ZNF385D: variants seen among roughly 807,000 people sequenced by gnomAD.
ZNF385D encodes the protein zinc finger protein 659.
In ZNF385D, 15 loss-of-function variants were observed where a neutral mutation model predicts 35.8. The ratio of observed to expected loss-of-function variants is 0.42; its 90% CI spans 0.28 to 0.64. The LOEUF (loss-of-function observed/expected upper bound fraction) is 0.64, where lower values mean the gene tolerates loss of function less well. Ranked by LOEUF, ZNF385D falls within the 30% of genes least tolerant of loss-of-function variation. The pLI is 0.23. For missense variants in ZNF385D, 474 were observed against 494.6 expected, an observed-to-expected ratio of 0.96 and a Z score of 0.39; for synonymous variants, 212 against 186.8, an observed-to-expected ratio of 1.13 and a Z score of -1.10.
At chr3:21,778,561 C>G (rs746874847) in intron 3 of ZNF385D, among the ~76,000 whole-genome samples, 6 of 151,648 alleles carry the variant, frequency 4.0e-5, no homozygotes, top group Non-Finnish European at 7.4e-5. Flanking sequence ...GCATGGTTCG[C>G]GAAAAACAAA....
intron 3 of ZNF385D, among the ~76,000 whole-genome samples, chr3:22,028,863 G>A (rs13086174): frequency 0.13 from 20,004 of 152,076 alleles, 1,692 homozygotes; most frequent in South Asian, 0.29. Context: ...TGTCAACTAG[G>A]GGACTATACT....
chr3:22,130,984 C>T (rs1310999157), intron 3 of ZNF385D, among the ~76,000 whole-genome samples: 1 of 151,504 alleles, frequency 6.6e-6, no homozygotes, highest in African/African-American at 2.4e-5. Flanking sequence ...AAGACAGATC[C>T]AGGCTAAAAA....
Position 21,701,697 on chromosome 3 carries a change from T to C in ZNF385D, c.23-36669A>G, listed in dbSNP as rs1338606640. On this transcript the variant is annotated intron_variant, in intron 1 of 7. Coordinates refer to ENST00000281523, the MANE Select transcript of ZNF385D (RefSeq NM_024697.3). ...GTAAAATCAAAAGCAAGCTAGTTAC[T>C]TCCTAGATACAATAGGGGTACAGGT... 2.6e-5 allele frequency among the ~76,000 whole-genome samples: 4 copies of C among 152,148 alleles called. No individual in the cohort carries two copies. In the East Asian group the frequency reaches 7.7e-4, roughly 29 times the overall value.
chr3:21,784,860 T>C (rs2071624568), intron 3 of ZNF385D, among the ~76,000 whole-genome samples: 1 of 152,134 alleles, frequency 6.6e-6, no homozygotes, highest in South Asian at 2.1e-4. Context: ...TGTTACTGAT[T>C]GTGATTTTTA....
intron 3 of ZNF385D, among the ~76,000 whole-genome samples, chr3:21,941,429 C>T (rs936901358): frequency 4.6e-5 from 7 of 151,340 alleles, no homozygotes; most frequent in Admixed American, 4.0e-4. Flanking sequence ...CAATGATCTA[C>T]CAAGTATAGT....
intron 3 of ZNF385D, among the ~76,000 whole-genome samples, chr3:21,969,564 G>A (rs187506415): frequency 2.2e-4 from 33 of 152,248 alleles, no homozygotes; most frequent in East Asian, 3.9e-4. Flanking sequence ...TAATACCCGC[G>A]GTGCTTGACT....
intron 3 of ZNF385D, among the ~76,000 whole-genome samples, chr3:21,861,403 TAATGTGCTGTACTCTGAAG>T (rs1285255379): frequency 6.6e-6 from 1 of 152,156 alleles, no homozygotes; most frequent in African/African-American, 2.4e-5. Flanking sequence ...TCATCTCACT[TAATGTGCTGTACTCTGAAG>T]ACATTTCTAA....
At chr3:22,179,300 C>T (rs1695054788) in intron 2 of ZNF385D, among the ~76,000 whole-genome samples, 1 of 152,180 alleles carries the variant, frequency 6.6e-6, no homozygotes, top group Non-Finnish European at 1.5e-5. Context: ...AGGTCCTTCA[C>T]ATCCCTTGTA....
Position 21,783,164 on chromosome 3 carries a change from T to G in ZNF385D, c.326-118136A>C, listed in dbSNP as rs2071557336. On this transcript the variant is annotated intron_variant, in intron 3 of 5. Coordinates refer to the ZNF385D transcript ENST00000494108. ...TAAATTCTATTTATGAACTTTCACG[T>G]CTTGGAATTTTCAGATTGTAAATAC... is the stretch of plus-strand genomic sequence containing the variant. 2.6e-5 allele frequency among the ~76,000 whole-genome samples: 4 copies of G among 152,284 alleles called. No homozygotes were observed. The South Asian group carries it at 8.3e-4, about 32-fold the overall frequency.
rs2065761718 is a variant in ZNF385D at position 21,646,695 on chromosome 3, T to A, written c.165+18191A>T. ...AGAAAGAAACAGGCCTGCCTTCACT[T>A]CTCAACCATCAGAGGCCTGTACAGA... On this transcript the variant is annotated intron_variant, in intron 2 of 7. Coordinates refer to ENST00000281523, the MANE Select transcript of ZNF385D (RefSeq NM_024697.3). This position sits in a 1 kb window ranked among gnomAD's most constrained non-coding sequence, Gnocchi z 4.3. Among the ~76,000 whole-genome samples the A allele has an allele frequency of 6.6e-6, 1 of 152,200 alleles. No individual in the cohort carries two copies. The highest frequency in any genetic ancestry group is 2.1e-4 in the South Asian group (1 of 4,826).
chr3:21,687,781 A>C (rs2067154105), intron 1 of ZNF385D, among the ~76,000 whole-genome samples: 2 of 152,332 alleles, frequency 1.3e-5, no homozygotes, highest in South Asian at 4.1e-4. Context: ...AAAAAGAAAA[A>C]ACCGATGATT....
intron 3 of ZNF385D, among the ~76,000 whole-genome samples, chr3:22,100,918 T>G (rs1185479484): frequency 6.6e-6 from 1 of 151,866 alleles, no homozygotes; most frequent in Non-Finnish European, 1.5e-5. Context: ...GCTAGAGATT[T>G]TAGAAATATA....
intron 2 of ZNF385D, among the ~76,000 whole-genome samples, chr3:21,594,364 T>G (rs1425522560): frequency 6.6e-6 from 1 of 152,170 alleles, no homozygotes; most frequent in African/African-American, 2.4e-5. Context: ...AGACAAAGAT[T>G]GCACCGTGCA....
intron 2 of ZNF385D, among the ~76,000 whole-genome samples, chr3:22,283,264 G>A (rs1701859539): frequency 6.6e-6 from 1 of 152,100 alleles, no homozygotes; most frequent in South Asian, 2.1e-4. Context: ...GACAGCTCTA[G>A]ACAGGTCATC....
chr3:21,969,385 G>A (rs1047965596), intron 3 of ZNF385D, among the ~76,000 whole-genome samples: 10 of 152,024 alleles, frequency 6.6e-5, no homozygotes, highest in African/African-American at 2.4e-4. Flanking sequence ...GTTTTATAAG[G>A]GGCTCATCCC....
intron 3 of ZNF385D, among the ~76,000 whole-genome samples, chr3:21,556,492 T>C (rs1481262880): frequency 6.6e-6 from 1 of 152,350 alleles, no homozygotes; most frequent in Non-Finnish European, 1.5e-5. Flanking sequence ...CCTTTCCCCA[T>C]TGCTTATTTT....
intron 3 of ZNF385D, among the ~76,000 whole-genome samples, chr3:21,531,071 A>G (rs568576716): frequency 2.6e-5 from 4 of 152,338 alleles, no homozygotes; most frequent in Admixed American, 2.0e-4. Context: ...CATGATAGCT[A>G]TAGATATTAC....
chr3:22,176,872 C>A (rs746066714), intron 2 of ZNF385D, among the ~76,000 whole-genome samples: 2 of 152,122 alleles, frequency 1.3e-5, no homozygotes, highest in Non-Finnish European at 2.9e-5. Flanking sequence ...AAAGGTAAAT[C>A]ATTCAAGTAG....
chr3:21,736,480 G>T (rs151242687), intron 1 of ZNF385D, among the ~76,000 whole-genome samples: 1 of 152,148 alleles, frequency 6.6e-6, no homozygotes. Context: ...ATTTCTAACC[G>T]TATTTAAAAC....
Sources: gnomAD v4.1 joint callset for allele counts (sites outside exome capture counted in the v4.1 genomes callset) on GRCh38, gnomAD v4.1.1 for gene constraint, Gnocchi (gnomAD v3.1) non-coding constraint, MANE v1.5 for transcripts, NCBI Gene and HGNC (gene_info 2026-07-23, HGNC 2026-07-21) for gene names.